CDH13: variants seen among roughly 807,000 people sequenced by gnomAD.
CDH13 encodes cadherin 13.
In CDH13, 24 loss-of-function variants were observed where a neutral mutation model predicts 63.8. That is an observed-to-expected ratio of 0.38 (90% confidence interval 0.27 to 0.53). The LOEUF is 0.53. Among genes scored for constraint, CDH13 ranks in the 20% least tolerant of loss-of-function variants. The pLI is 0.85. For missense variants in CDH13, 1,049 were observed against 903.1 expected, an observed-to-expected ratio of 1.16 and a Z score of -2.07; for synonymous variants, 503 against 355.3, an observed-to-expected ratio of 1.42 and a Z score of -4.67.
intron 3 of CDH13, among the ~76,000 whole-genome samples, chr16:83,102,942 C>CTTTTTTTTTTTTTTTTTTT (rs1567831700): frequency 9.6e-5 from 5 of 51,890 alleles, no homozygotes; most frequent in Admixed American, 1.8e-4. Context: ...TTTTTTTTTT[C>CTTTTTTTTTTTTTTTTTTT]TTTTTCTTTT....
intron 1 of CDH13, among the ~76,000 whole-genome samples, chr16:82,821,854 C>A (rs1237423804): frequency 6.6e-6 from 1 of 152,158 alleles, no homozygotes; most frequent in Non-Finnish European, 1.5e-5. Context: ...GAGGGAAGAA[C>A]AAGGGCTTGA....
intron 4 of CDH13, among the ~76,000 whole-genome samples, chr16:83,138,819 G>A (rs2036409342): frequency 6.6e-6 from 1 of 152,126 alleles, no homozygotes; most frequent in African/African-American, 2.4e-5. Flanking sequence ...CCAGGAGGGT[G>A]ACGAAGGGCT....
chr16:83,132,060 GC>G (rs2036078518), intron 4 of CDH13, among the ~76,000 whole-genome samples: 1 of 152,156 alleles, frequency 6.6e-6, no homozygotes, highest in African/African-American at 2.4e-5. Context: ...TGAGATTTAT[GC>G]CCACCTATGC....
At chr16:83,035,181 C>G (rs1274975025) in intron 3 of CDH13, among the ~76,000 whole-genome samples, 3 of 152,102 alleles carry the variant, frequency 2.0e-5, no homozygotes, top group Non-Finnish European at 1.5e-5. Flanking sequence ...TGGATATGCA[C>G]GTGGTATGTT....
At chr16:83,534,184 A>C (rs775095082) in intron 7 of CDH13, among the ~76,000 whole-genome samples, 1 of 152,112 alleles carries the variant, frequency 6.6e-6, no homozygotes, top group African/African-American at 2.4e-5. Context: ...GGATTTACCT[A>C]TTCTGGATGC....
intron 2 of CDH13, among the ~76,000 whole-genome samples, chr16:82,977,178 C>A (rs933891606): frequency 2.0e-5 from 3 of 152,186 alleles, no homozygotes; most frequent in African/African-American, 7.2e-5. Flanking sequence ...GCCCTTGGCC[C>A]TGCTCTCTCT....
intron 3 of CDH13, among the ~76,000 whole-genome samples, chr16:83,037,727 G>A (rs1450435901): frequency 6.6e-6 from 1 of 152,186 alleles, no homozygotes; most frequent in African/African-American, 2.4e-5. Context: ...GAACAGCATA[G>A]TGGTGGGAGT....
At chr16:82,746,278 CTGTA>C (rs1000742778) in intron 1 of CDH13, among the ~76,000 whole-genome samples, 7 of 129,282 alleles carry the variant, frequency 5.4e-5, no homozygotes, top group African/African-American at 1.8e-4. Flanking sequence ...TATAAACACA[CTGTA>C]TGTATGATGC....
At chr16:83,133,805 A>G (rs2036160014) in intron 4 of CDH13, among the ~76,000 whole-genome samples, 1 of 152,020 alleles carries the variant, frequency 6.6e-6, no homozygotes, top group Non-Finnish European at 1.5e-5. Context: ...GGCCCATGGA[A>G]TTTTACTTGA....
At chr16:83,237,211 G>A (rs1004511883) in intron 5 of CDH13, among the ~76,000 whole-genome samples, 4 of 152,192 alleles carry the variant, frequency 2.6e-5, no homozygotes, top group African/African-American at 9.6e-5. Flanking sequence ...CCAAGGGAAG[G>A]CAGAAGAGCA....
intron 3 of CDH13, among the ~76,000 whole-genome samples, chr16:83,080,826 A>G (rs1422515876): frequency 4.1e-5 from 5 of 123,312 alleles, no homozygotes; most frequent in Non-Finnish European, 1.7e-5. Context: ...TTTAGTCCTT[A>G]TTAGTAAGGA....
chr16:83,080,931 G>A (rs1438046419), intron 3 of CDH13, among the ~76,000 whole-genome samples: 1 of 129,694 alleles, frequency 7.7e-6, no homozygotes, highest in Non-Finnish European at 1.5e-5. Flanking sequence ...GCCCAGGCGG[G>A]AGTGCAATGG....
intron 1 of CDH13, among the ~76,000 whole-genome samples, chr16:82,781,438 G>A (rs1280130727): frequency 6.6e-6 from 1 of 151,968 alleles, no homozygotes; most frequent in Non-Finnish European, 1.5e-5. Context: ...GCAACTTGAT[G>A]GCTAAGGTCA....
intron 1 of CDH13, among the ~76,000 whole-genome samples, chr16:82,716,433 C>G (rs12930688): frequency 3.3e-5 from 5 of 151,640 alleles, no homozygotes; most frequent in African/African-American, 1.2e-4. Context: ...TGTAACACAT[C>G]TGCTAAATTT....
chr16:83,314,566 A>T (rs911776236), intron 5 of CDH13, among the ~76,000 whole-genome samples: 1 of 151,972 alleles, frequency 6.6e-6, no homozygotes, highest in African/African-American at 2.4e-5. Context: ...TTAAAAAAAA[A>T]TACGGTATTT....
At chr16:83,037,520 C>T (rs144642129) in intron 3 of CDH13, among the ~76,000 whole-genome samples, 129 of 152,234 alleles carry the variant, frequency 8.5e-4, no homozygotes, top group African/African-American at 3.0e-3. Flanking sequence ...AGCCAGGATC[C>T]CGTATCTGGA....
At chr16:83,266,422 C>G (rs1188966284) in intron 5 of CDH13, among the ~76,000 whole-genome samples, 2 of 152,114 alleles carry the variant, frequency 1.3e-5, no homozygotes, top group Admixed American at 6.5e-5. Context: ...AAATTGTAGC[C>G]ATTGTTAACA....
At chr16:83,374,144 C>G (rs1031548839) in intron 6 of CDH13, among the ~76,000 whole-genome samples, 5 of 152,212 alleles carry the variant, frequency 3.3e-5, no homozygotes, top group African/African-American at 1.2e-4. Flanking sequence ...AAAGCAAAGA[C>G]TGGATCCACA....
At chr16:83,156,745 C>G (rs995148312) in intron 4 of CDH13, among the ~76,000 whole-genome samples, 16 of 152,154 alleles carry the variant, frequency 1.1e-4, no homozygotes, top group African/African-American at 3.9e-4. Flanking sequence ...CTCCCCCAGC[C>G]TCCTTCCATA....
Sources: allele counts gnomAD v4.1 joint callset (sites outside exome capture counted in the v4.1 genomes callset), GRCh38; gene constraint gnomAD v4.1.1; transcripts MANE v1.5; gene names NCBI Gene and HGNC (gene_info 2026-07-23, HGNC 2026-07-21).